The following TRHDE variants were observed in gnomAD, a reference collection of about 807,000 sequenced individuals.
TRHDE encodes the protein thyrotropin-releasing hormone-degrading ectoenzyme.
Under a neutral mutation model 125.7 loss-of-function variants are expected in TRHDE, and 72 were observed. That is an observed-to-expected ratio of 0.57 (90% confidence interval 0.47 to 0.70). The LOEUF (loss-of-function observed/expected upper bound fraction) is 0.70. Among genes scored for constraint, TRHDE ranks in the 30% least tolerant of loss-of-function variants. The pLI, the probability that TRHDE is intolerant of heterozygous loss-of-function variation, is 0.00. For synonymous variants in TRHDE, 509 were observed against 509.1 expected, an observed-to-expected ratio of 1.00 and a Z score of 0.00; for missense variants, 1,110 against 1,327.1, an observed-to-expected ratio of 0.84 and a Z score of 2.54.
At chr12:72,396,127 C>T (rs1168986018) in intron 3 of TRHDE, among the ~76,000 whole-genome samples, 2 of 152,172 alleles carry the variant, frequency 1.3e-5, no homozygotes, top group Admixed American at 1.3e-4. Context: ...TCCACTCTTT[C>T]TCACATCATC....
At position 72,668,771 on chromosome 12, in the gene TRHDE, T is replaced by C. The variant is rs905702897; in HGVS notation, c.*5576T>C. ...AGATGGAGGCAGAGTTGTTATCAGT[T>C]TACATAATTAATTAGTGGTATTCAC... is the stretch of plus-strand genomic sequence containing the variant. On this transcript the variant is annotated 3_prime_UTR_variant, in exon 19 of 19. Coordinates refer to ENST00000261180, the MANE Select transcript of TRHDE (RefSeq NM_013381.3). 7.9e-5 allele frequency: 12 copies of C among 151,834 alleles called. No individual in the cohort carries two copies. Among genetic ancestry groups the C allele is most frequent in the African/African-American group, 2.7e-4 (11 of 41,412 alleles). 9.4% of individuals were successfully genotyped at this position (151,834 alleles called of 1,614,324 possible).
chr12:72,509,193 C>G lies in TRHDE; in HGVS notation c.1722+9558C>G, dbSNP rs139885495. Among the ~76,000 whole-genome samples the G allele has an allele frequency of 5.7e-3, 872 of 152,168 alleles. 7 individuals are homozygous for G. The highest frequency in any genetic ancestry group is 0.019 in the African/African-American group (801 of 41,502). On this transcript the variant is annotated intron_variant, in intron 6 of 18. Transcript: ENST00000261180. Reference sequence around the variant, plus strand: ...CTGTTCTCCTACAGCCTATCTTTATCAAGCATTCAGAGTGATGTTTATAAA... The same window carrying G: ...CTGTTCTCCTACAGCCTATCTTTATGAAGCATTCAGAGTGATGTTTATAAA...
At chr12:72,395,881 T>C (rs184093198) in intron 3 of TRHDE, among the ~76,000 whole-genome samples, 2 of 152,292 alleles carry the variant, frequency 1.3e-5, no homozygotes, top group Admixed American at 1.3e-4. Context: ...AGTATACTCT[T>C]CCCTTCCTCA....
intron 15 of TRHDE, among the ~76,000 whole-genome samples, chr12:72,632,387 A>G (rs1435306815): frequency 6.6e-6 from 1 of 151,958 alleles, no homozygotes; most frequent in Non-Finnish European, 1.5e-5. Flanking sequence ...GATGAGTTGA[A>G]AAGCCAAGGA....
intron 1 of TRHDE, among the ~76,000 whole-genome samples, chr12:72,092,209 C>A (rs1874807833): frequency 6.6e-6 from 1 of 152,174 alleles, no homozygotes; most frequent in Non-Finnish European, 1.5e-5. Flanking sequence ...TGAGTAATTT[C>A]TTTTCCACTG....
intron 7 of TRHDE, among the ~76,000 whole-genome samples, chr12:72,550,021 C>T (rs1386690632): frequency 1.3e-5 from 2 of 151,708 alleles, no homozygotes; most frequent in African/African-American, 4.8e-5. Context: ...CAGGAGGCCT[C>T]ATAAATTTAT....
At chr12:72,506,292 G>A (rs1052436202) in intron 6 of TRHDE, among the ~76,000 whole-genome samples, 1 of 152,174 alleles carries the variant, frequency 6.6e-6, no homozygotes, top group African/African-American at 2.4e-5. Flanking sequence ...GCCTGGACAA[G>A]AGAGCAAAAT....
chr12:72,466,642 G>C (rs1011226096), intron 3 of TRHDE, among the ~76,000 whole-genome samples: 2 of 152,000 alleles, frequency 1.3e-5, no homozygotes, highest in African/African-American at 4.8e-5. Flanking sequence ...ATGTATTTCA[G>C]CCACATCACC....
At chr12:72,574,289 C>T (rs1672707205) in intron 10 of TRHDE, among the ~76,000 whole-genome samples, 1 of 152,030 alleles carries the variant, frequency 6.6e-6, no homozygotes, top group South Asian at 2.1e-4. Flanking sequence ...CTTATGGTTT[C>T]TGTGATGCCT....
At chr12:72,471,931 C>T (rs1201117599) in intron 4 of TRHDE, among the ~76,000 whole-genome samples, 1 of 152,140 alleles carries the variant, frequency 6.6e-6, no homozygotes, top group Non-Finnish European at 1.5e-5. Flanking sequence ...ACAGGTCTTT[C>T]TTCTGTTGCT....
intron 5 of TRHDE, among the ~76,000 whole-genome samples, chr12:72,482,027 G>A (rs1303984504): frequency 6.6e-6 from 1 of 151,852 alleles, no homozygotes; most frequent in East Asian, 1.9e-4. Context: ...AAATTAGTTT[G>A]ATGTATTGCT....
chr12:72,446,102 A>G (rs1193881726), intron 3 of TRHDE, among the ~76,000 whole-genome samples: 2 of 151,478 alleles, frequency 1.3e-5, no homozygotes, highest in East Asian at 3.9e-4. Flanking sequence ...GGGACCTGTC[A>G]AAATCCAAAT....
intron 2 of TRHDE, among the ~76,000 whole-genome samples, chr12:72,238,969 T>G (rs1028987722): frequency 6.6e-6 from 1 of 152,216 alleles, no homozygotes; most frequent in Non-Finnish European, 1.5e-5. Context: ...ATAGCCACAC[T>G]GTCTTCCACA....
At chr12:72,553,562 GTCATC>G (rs968627063) in intron 7 of TRHDE, among the ~76,000 whole-genome samples, 22 of 152,040 alleles carry the variant, frequency 1.4e-4, no homozygotes, top group Non-Finnish European at 3.1e-4. Flanking sequence ...CAGGGGTCTT[GTCATC>G]TCAGTAGAGC....
chr12:72,524,952 T>C (rs143696845), intron 6 of TRHDE, among the ~76,000 whole-genome samples: 3 of 152,320 alleles, frequency 2.0e-5, no homozygotes, highest in African/African-American at 7.2e-5. Context: ...CCTTTTCATG[T>C]GGAAAGTATG....
At chr12:72,321,157 T>A (rs1869072915) in intron 2 of TRHDE, among the ~76,000 whole-genome samples, 2 of 152,112 alleles carry the variant, frequency 1.3e-5, no homozygotes, top group South Asian at 4.1e-4. Flanking sequence ...GTAATAGAAA[T>A]GCTTATCTTT....
At chr12:72,097,398 T>G (rs982631813) in intron 1 of TRHDE, among the ~76,000 whole-genome samples, 4 of 149,832 alleles carry the variant, frequency 2.7e-5, no homozygotes, top group African/African-American at 9.8e-5. Flanking sequence ...GTTATAGATA[T>G]GTTTAGTCCC....
At chr12:72,423,353 C>T (rs1467321350) in intron 3 of TRHDE, among the ~76,000 whole-genome samples, 1 of 152,128 alleles carries the variant, frequency 6.6e-6, no homozygotes, top group Non-Finnish European at 1.5e-5. Context: ...TCTCTATTTA[C>T]CTTCCTCTTT....
intron 3 of TRHDE, among the ~76,000 whole-genome samples, chr12:72,450,101 C>G (rs768426537): frequency 5.3e-5 from 8 of 151,998 alleles, no homozygotes; most frequent in African/African-American, 1.9e-4. Flanking sequence ...CCAAAGAGTA[C>G]AAAATATCAG....
Sources: allele counts gnomAD v4.1 joint callset (sites outside exome capture counted in the v4.1 genomes callset), GRCh38; gene constraint gnomAD v4.1.1; transcripts MANE v1.5; gene names NCBI Gene and HGNC (gene_info 2026-07-23, HGNC 2026-07-21).